Variants in ITPA observed in about 807,000 individuals in gnomAD.
ITPA encodes inosine triphosphate pyrophosphatase.
ITPA carries 29 observed loss-of-function variants against 29.6 expected under a neutral mutation model. That is an observed-to-expected ratio of 0.98 (90% confidence interval 0.73 to 1.34). The LOEUF is 1.34. Ranked by LOEUF, ITPA falls within the 40% of genes most tolerant of loss-of-function variation. The pLI is 0.00. For missense variants in ITPA, 241 were observed against 251.5 expected (o/e 0.96, Z 0.28); for synonymous variants, 103 against 99.3 (o/e 1.04, Z -0.22).
Position 3,223,819 on chromosome 20 carries a change from T to G in ITPA, c.*357T>G. 3.3e-6 allele frequency: 1 copy of G among 304,760 alleles called. No individual in the cohort carries two copies. Among genetic ancestry groups the G allele is most frequent in the Non-Finnish European group, 6.3e-6 (1 of 159,078 alleles). 18.9% of individuals were successfully genotyped at this position (304,760 alleles called of 1,614,324 possible). A position where few individuals can be genotyped will look rare whatever the true frequency, so the allele number is the denominator to read the frequency against. On this transcript the variant is annotated 3_prime_UTR_variant, in exon 8 of 8. Transcript: ENST00000380113. Reference sequence around the variant, plus strand: ...AAATGCAGTAAATAACATTTCTGGATGAGACTTGTTTCCAAAATAAACCAG... The same window carrying G: ...AAATGCAGTAAATAACATTTCTGGAGGAGACTTGTTTCCAAAATAAACCAG...
intron 4 of ITPA, 47 bp from the exon 5 acceptor site, chr20:3,215,234 A>T: frequency 6.3e-7 from 1 of 1,598,694 alleles, no homozygotes; most frequent in Non-Finnish European, 8.6e-7. Context: ...GGTGGTAAGA[A>T]GATCCAGCTG....
chr20:3,223,818 A>T lies in ITPA; in HGVS notation c.*356A>T, dbSNP rs1568522292. The T allele has an allele frequency of 3.4e-6, 1 of 295,264 alleles. No homozygotes were observed. The highest frequency in any genetic ancestry group is 6.5e-6 in the Non-Finnish European group (1 of 152,832). 18.3% of individuals were successfully genotyped at this position (295,264 alleles called of 1,614,324 possible). On this transcript the variant is annotated 3_prime_UTR_variant, in exon 8 of 8. Transcript: ENST00000380113. The stretch of plus-strand genomic sequence containing the variant: ...TAAATGCAGTAAATAACATTTCTGG[A>T]TGAGACTTGTTTCCAAAATAAACCA...
At chr20:3,218,029 T>G (rs762729754) in intron 5 of ITPA, among the ~76,000 whole-genome samples, 2 of 152,044 alleles carry the variant, frequency 1.3e-5, no homozygotes, top group Non-Finnish European at 2.9e-5. Context: ...ACCATTCTCC[T>G]GCCTCAGCCT....
intron 4 of ITPA, chr20:3,215,069 G>A (rs183980526): frequency 3.9e-4 from 225 of 573,006 alleles, no homozygotes; most frequent in African/African-American, 2.6e-3. Context: ...ATTTTGCTAC[G>A]TTGTCCAAGC....
At chr20:3,216,157 G>GTTTTTGTTT (rs2067291886) in intron 5 of ITPA, among the ~76,000 whole-genome samples, 1 of 109,286 alleles carries the variant, frequency 9.2e-6, no homozygotes, top group African/African-American at 3.8e-5. Flanking sequence ...CGCTGGCTAA[G>GTTTTTGTTT]TTTTTTTTTT....
chr20:3,217,921 TG>T (rs201576669), intron 5 of ITPA, among the ~76,000 whole-genome samples: 51 of 138,710 alleles, frequency 3.7e-4, no homozygotes, highest in African/African-American at 9.8e-4. Flanking sequence ...TTTTTGTTTT[TG>T]TTTTTTCTTT....
chr20:3,213,206 T>G lies in ITPA; in HGVS notation c.104T>G (p.Leu35Trp). The change falls in exon 2 of 8, where the codon TTG becomes TGG. Residue 35 changes from leucine (L) to tryptophan (W), a missense_variant. Transcript: ENST00000380113. Reference protein sequence around the residue: ...QILGDKFPCTLVAQKIDLPEY... With the variant: ...QILGDKFPCTWVAQKIDLPEY... ...CTAGGAGATAAGTTTCCATGCACTT[T>G]GGTGGCACAGAAAATTGACCGTATG... 6.2e-7 allele frequency: 1 copy of G among 1,614,216 alleles called. No homozygotes were observed. Among genetic ancestry groups the G allele is most frequent in the South Asian group, 1.1e-5 (1 of 91,088 alleles).
rs147733987 is a variant in ITPA at position 3,215,089 on chromosome 20, A to T, written c.264-192A>T. On this transcript the variant is annotated intron_variant, in intron 4 of 7. Transcript: ENST00000380113. ...GCTACGTTGTCCAAGCTTTTCTCAAACTCCTGAGCTCAAGCGATCCGCCTG... is the reference window on the plus strand; with the variant it reads ...GCTACGTTGTCCAAGCTTTTCTCAATCTCCTGAGCTCAAGCGATCCGCCTG... 6 of 596,154 alleles carry T rather than the reference A, an allele frequency of 1.0e-5. No individual in the cohort carries two copies. In the African/African-American group the frequency reaches 1.2e-4, roughly 12 times the overall value. 36.9% of individuals were successfully genotyped at this position (596,154 alleles called of 1,614,324 possible).
chr20:3,216,774 C>T (rs1474256398), intron 5 of ITPA, among the ~76,000 whole-genome samples: 1 of 151,138 alleles, frequency 6.6e-6, no homozygotes, highest in Non-Finnish European at 1.5e-5. Context: ...TTTTAGTAGA[C>T]ACGGAGTTTC....
upstream of ITPA, chr20:3,209,074 G>A (rs2067112277): frequency 4.3e-6 from 1 of 232,198 alleles, no homozygotes; most frequent in Non-Finnish European, 8.8e-6. This position sits in a 1 kb window ranked among gnomAD's most constrained non-coding sequence, Gnocchi z 4.6. Context: ...CCGAGTTTAA[G>A]TTCACAGTCG....
rs79708949 is a variant in ITPA, at chr20:3,210,376, G to T, written c.66+759G>T. 3.7e-3 allele frequency among the ~76,000 whole-genome samples: 563 copies of T among 152,290 alleles called. 5 individuals are homozygous for T. The highest frequency in any genetic ancestry group is 0.013 in the African/African-American group (535 of 41,546). On this transcript the variant is annotated intron_variant, in intron 1 of 7. Transcript: ENST00000380113. ...CTTTCCCCTTTCTTCCCTGCTGGGG[G>T]ATGGAACAATGAGGCTTCTACCAGA...
chr20:3,215,453 G>A, intron 5 of ITPA, 141 bp downstream of exon 5: 1 of 742,866 alleles, frequency 1.3e-6, no homozygotes, highest in Non-Finnish European at 2.4e-6. Flanking sequence ...TCCCCATCTA[G>A]CACCTGCAGC....
chr20:3,218,444 TAGTGGGCGTCTTGGG>T, intron 5 of ITPA, 58 bp from the exon 6 acceptor site: 8 of 1,063,004 alleles, frequency 7.5e-6, no homozygotes, highest in Non-Finnish European at 1.2e-5. Flanking sequence ...TCCCCACCCT[TAGTGGGCGTCTTGGG>T]AGTGGGGGTG....
At chr20:3,221,297 G>C (rs2067456717) in intron 6 of ITPA, among the ~76,000 whole-genome samples, 1 of 151,532 alleles carries the variant, frequency 6.6e-6, no homozygotes, top group South Asian at 2.1e-4. Flanking sequence ...TTTCACTGTG[G>C]AATTTCCCTA....
In ITPA at chr20:3,223,584, C is replaced by T. The variant is rs1026915335; in HGVS notation, c.*122C>T. ...CAGGGTTTCCCCTTTGTGAGGGTGT[C>T]GAGTAGCCTCACCGGCCTGTCTGGA... On this transcript the variant is annotated 3_prime_UTR_variant, in exon 8 of 8. Transcript: ENST00000380113. 1.3e-4 allele frequency: 99 copies of T among 754,286 alleles called. 1 individual carries two copies. In the Admixed American group the frequency reaches 1.8e-3, roughly 14 times the overall value. The allele number at this position is 754,286 out of a possible 1,614,324, so 46.7% of individuals were successfully genotyped here.
At chr20:3,214,255 T>C (rs1465438254) in intron 4 of ITPA, among the ~76,000 whole-genome samples, 197 bp downstream of exon 4, 1 of 152,018 alleles carries the variant, frequency 6.6e-6, no homozygotes, top group African/African-American at 2.4e-5. Context: ...TAAGTGGAGA[T>C]GGTAAAGGGG....
upstream of ITPA, chr20:3,204,767 G>A (rs1276681833): frequency 7.7e-6 from 6 of 777,594 alleles, no homozygotes; most frequent in Non-Finnish European, 1.0e-5. Flanking sequence ...TTTAATGTCA[G>A]ACATTAAAAT....
upstream of ITPA, chr20:3,209,357 C>T (rs2067117632): frequency 3.0e-6 from 2 of 669,930 alleles, no homozygotes; most frequent in South Asian, 1.6e-5. The surrounding 1 kb of genome is among the most constrained non-coding windows in gnomAD (Gnocchi z 4.6). Context: ...CGGGAGGCCC[C>T]CAGCAAATCG....
intron 4 of ITPA, among the ~76,000 whole-genome samples, chr20:3,214,363 CTTTTT>C (rs57982806): frequency 2.7e-5 from 3 of 112,910 alleles, no homozygotes; most frequent in African/African-American, 6.0e-5. Context: ...TTCTTCCTTT[CTTTTT>C]TTTTTTTTTT....
Sources: allele counts gnomAD v4.1 joint callset (sites outside exome capture counted in the v4.1 genomes callset), GRCh38; gene constraint gnomAD v4.1.1; non-coding constraint Gnocchi (gnomAD v3.1); transcripts MANE v1.5; gene names NCBI Gene and HGNC (gene_info 2026-07-23, HGNC 2026-07-21).